Variants in CDC20B observed in about 807,000 individuals in gnomAD.
CDC20B encodes cell division cycle 20B, also known as cell division cycle protein 20 homolog B.
Under a neutral mutation model 64.1 loss-of-function variants are expected in CDC20B, and 58 were observed. That is an observed-to-expected ratio of 0.90 (90% CI 0.73 to 1.13). The LOEUF is 1.13. Among genes scored for constraint, CDC20B ranks in the 50% most tolerant of loss-of-function variants. CDC20B has a pLI of 0.00. For synonymous variants in CDC20B, 243 were observed against 230.6 expected (o/e 1.05, Z -0.49); for missense variants, 597 against 633.0 (o/e 0.94, Z 0.61).
rs748744870 is a variant in CDC20B at position 55,124,825 on chromosome 5, A to T, written c.1193T>A (p.Ile398Lys). 1.2e-6 allele frequency: 2 copies of T among 1,614,030 alleles called. No individual in the cohort carries two copies. Among genetic ancestry groups the T allele is most frequent in the South Asian group, 2.2e-5 (2 of 91,092 alleles). ...TACCTTGACTGCCGTAGACTGGGTT[A>T]TGACTTTCAGCGGTTGGCCCTGTGC... ...ASAQGQPLKVITQSTAVKAMD... is the reference protein window; with the variant it reads ...ASAQGQPLKVKTQSTAVKAMD... Residue 398 changes from isoleucine (I) to lysine (K), a missense_variant, in exon 9 of 12, where the codon ATA (isoleucine) becomes AAA (lysine). This residue lies in a region of CDC20B where 353 missense variants were observed against 397.0 expected (regional missense o/e 0.89). Coordinates refer to ENST00000381375, the MANE Select transcript of CDC20B (RefSeq NM_001170402.1).
At chr5:55,146,155 A>G (rs1472668033) in intron 3 of CDC20B, among the ~76,000 whole-genome samples, 1 of 152,164 alleles carries the variant, frequency 6.6e-6, no homozygotes, top group Admixed American at 6.5e-5. Flanking sequence ...CTAACTTGGG[A>G]TGTAAACTAA....
At chr5:55,171,675 T>A (rs1432288989) in intron 2 of CDC20B, among the ~76,000 whole-genome samples, 2 of 152,160 alleles carry the variant, frequency 1.3e-5, no homozygotes, top group Non-Finnish European at 2.9e-5. Flanking sequence ...CAATCATAGC[T>A]CACTGCAGCC....
intron 6 of CDC20B, among the ~76,000 whole-genome samples, chr5:55,130,839 G>A (rs182026098): frequency 6.6e-6 from 1 of 152,318 alleles, no homozygotes; most frequent in Non-Finnish European, 1.5e-5. Context: ...ATGCATGACA[G>A]GCCAGACACA....
chr5:55,117,844 G>A (rs1258823855), intron 11 of CDC20B, among the ~76,000 whole-genome samples: 2 of 152,198 alleles, frequency 1.3e-5, no homozygotes, highest in Non-Finnish European at 2.9e-5. Context: ...GCCAGGCATG[G>A]TGGCTCATAC....
intron 2 of CDC20B, chr5:55,160,239 C>A: frequency 6.2e-7 from 1 of 1,614,098 alleles, no homozygotes. Context: ...GGGCCCAGAG[C>A]AAAGGTATTT....
intron 3 of CDC20B, among the ~76,000 whole-genome samples, chr5:55,143,994 G>GAAAAAAAAA: frequency 7.3e-6 from 1 of 136,972 alleles, no homozygotes; most frequent in Non-Finnish European, 1.6e-5. Context: ...TCTCTGTATG[G>GAAAAAAAAA]AAAAAAAAAA....
In CDC20B at chr5:55,143,413, T is replaced by C. The variant is rs1317285855; in HGVS notation, c.486+100A>G. ...TATCAGGAATGCATCATTTTCTTAT[T>C]GATTGGTAAGAGAACTAAGCAACTC... On this transcript the variant is annotated intron_variant, in intron 4 of 11. Coordinates refer to ENST00000381375, the MANE Select transcript of CDC20B (RefSeq NM_001170402.1). The C allele has an allele frequency of 1.6e-5, 19 of 1,221,218 alleles. No homozygotes were observed. The South Asian group carries it at 4.1e-4, about 27-fold the overall frequency. 75.6% of individuals were successfully genotyped at this position (1,221,218 alleles called of 1,614,324 possible). A position where few individuals can be genotyped will look rare whatever the true frequency, so the allele number is the denominator to read the frequency against.
chr5:55,122,725 C>T (rs1742788407), intron 9 of CDC20B, among the ~76,000 whole-genome samples: 1 of 152,228 alleles, frequency 6.6e-6, no homozygotes, highest in African/African-American at 2.4e-5. Context: ...AAACTCCCAA[C>T]TGGCTTGAGG....
intron 3 of CDC20B, among the ~76,000 whole-genome samples, chr5:55,145,753 G>A (rs1743453750): frequency 1.3e-5 from 2 of 148,158 alleles, no homozygotes; most frequent in Non-Finnish European, 3.0e-5. Flanking sequence ...CTCCTCCTCT[G>A]TCTCCTCCTC....
intron 2 of CDC20B, among the ~76,000 whole-genome samples, chr5:55,169,606 A>AT (rs2111614262): frequency 1.3e-5 from 2 of 152,314 alleles, no homozygotes; most frequent in African/African-American, 4.8e-5. Flanking sequence ...TGAACCTGTG[A>AT]TTTTACAGAA....
At chr5:55,130,014 CAA>C (rs1176879444) in intron 6 of CDC20B, among the ~76,000 whole-genome samples, 3 of 152,090 alleles carry the variant, frequency 2.0e-5, no homozygotes, top group Non-Finnish European at 4.4e-5. Flanking sequence ...TAGAAATTAT[CAA>C]AGACTTTAAA....
intron 6 of CDC20B, among the ~76,000 whole-genome samples, chr5:55,130,281 G>A (rs963592320): frequency 6.6e-6 from 1 of 152,184 alleles, no homozygotes; most frequent in African/African-American, 2.4e-5. Context: ...GGATAGAGGT[G>A]ATAGAGGAAA....
intron 8 of CDC20B, 129 bp from the exon 9 acceptor site, chr5:55,125,157 T>C: frequency 1.5e-6 from 1 of 653,600 alleles, no homozygotes; most frequent in Non-Finnish European, 2.6e-6. Flanking sequence ...CAGGTGGAGA[T>C]TCCTTGGGTT....
intron 2 of CDC20B, among the ~76,000 whole-genome samples, chr5:55,151,673 G>A (rs562321840): frequency 1.1e-4 from 16 of 152,122 alleles, no homozygotes; most frequent in Non-Finnish European, 1.6e-4. Flanking sequence ...TTCGTCTACC[G>A]TCACTCTGTC....
intron 3 of CDC20B, among the ~76,000 whole-genome samples, chr5:55,144,512 C>A (rs576406646): frequency 6.6e-6 from 1 of 152,222 alleles, no homozygotes; most frequent in South Asian, 2.1e-4. Context: ...CACTAATGTT[C>A]CTAGAGCCTA....
chr5:55,130,645 C>T (rs13359463), intron 6 of CDC20B, among the ~76,000 whole-genome samples: 18,755 of 152,164 alleles, frequency 0.12, 1,333 homozygotes, highest in East Asian at 0.26. Flanking sequence ...CTAAAGGAAG[C>T]TCTTCAGGCT....
chr5:55,144,011 AC>A (rs1479113936), intron 3 of CDC20B, among the ~76,000 whole-genome samples: 128 of 142,890 alleles, frequency 9.0e-4, no homozygotes, highest in East Asian at 4.0e-3. Context: ...AAAAAAAAAA[AC>A]CAGATTTGCA....
At chr5:55,126,145 G>A (rs555550793) in intron 8 of CDC20B, among the ~76,000 whole-genome samples, 10 of 152,080 alleles carry the variant, frequency 6.6e-5, no homozygotes, top group African/African-American at 2.2e-4. Context: ...TTTTAAGACC[G>A]GCCAAAAACA....
intron 9 of CDC20B, among the ~76,000 whole-genome samples, chr5:55,122,847 C>T (rs1742792089): frequency 6.6e-6 from 1 of 152,180 alleles, no homozygotes; most frequent in South Asian, 2.1e-4. Flanking sequence ...GCCTCCCACA[C>T]TTTTAGCTTC....
Sources: allele counts gnomAD v4.1 joint callset (sites outside exome capture counted in the v4.1 genomes callset), GRCh38; gene constraint gnomAD v4.1.1; regional missense constraint gnomAD v4.1.1; transcripts MANE v1.5; gene names NCBI Gene and HGNC (gene_info 2026-07-23, HGNC 2026-07-21).